The following ATG10 variants were observed in gnomAD, a reference collection of about 807,000 sequenced individuals.
ATG10 encodes the protein ubiquitin-like-conjugating enzyme ATG10.
In ATG10, 30 loss-of-function variants were observed where a neutral mutation model predicts 32.1. The ratio of observed to expected loss-of-function variants is 0.94; its 90% confidence interval spans 0.70 to 1.27. ATG10 has a LOEUF of 1.27. Among genes scored for constraint, ATG10 ranks in the 50% most tolerant of loss-of-function variants. ATG10 has a pLI of 0.00. For synonymous variants in ATG10, 87 were observed against 91.5 expected (o/e 0.95, Z 0.28); for missense variants, 233 against 262.3 (o/e 0.89, Z 0.77).
chr5:82,036,083 T>A (rs1241397513), intron 2 of ATG10, among the ~76,000 whole-genome samples: 1 of 152,152 alleles, frequency 6.6e-6, no homozygotes, highest in Non-Finnish European at 1.5e-5. Context: ...GAACTTATTT[T>A]GGGGGGTTTT....
chr5:82,060,869 C>T (rs1349777086), intron 3 of ATG10, among the ~76,000 whole-genome samples: 1 of 151,622 alleles, frequency 6.6e-6, no homozygotes, highest in East Asian at 1.9e-4. Flanking sequence ...AAAAAAAGTT[C>T]ATGTTAAGTG....
At chr5:82,076,059 A>G (rs1203063032) in intron 3 of ATG10, among the ~76,000 whole-genome samples, 1 of 151,930 alleles carries the variant, frequency 6.6e-6, no homozygotes, top group African/African-American at 2.4e-5. Flanking sequence ...GTATTTCCAC[A>G]TACTGAATGA....
chr5:81,990,874 A>G (rs1761432609), intron 2 of ATG10, among the ~76,000 whole-genome samples: 2 of 152,224 alleles, frequency 1.3e-5, no homozygotes, highest in Non-Finnish European at 1.5e-5. Context: ...AAGGTTAAGC[A>G]TTCAGATTTG....
intron 3 of ATG10, chr5:82,148,227 A>C (rs1767445927): frequency 6.6e-6 from 1 of 152,208 alleles, no homozygotes; most frequent in Non-Finnish European, 1.5e-5. Context: ...TTGGCCCTTT[A>C]GAGACAAATT....
intron 2 of ATG10, chr5:82,009,642 T>C: frequency 1.3e-6 from 2 of 1,593,826 alleles, no homozygotes; most frequent in Non-Finnish European, 1.7e-6. Context: ...CTTGCTGGTC[T>C]TGCCATTCCT....
chr5:82,142,925 A>T (rs1391334875), intron 3 of ATG10, among the ~76,000 whole-genome samples: 1 of 152,160 alleles, frequency 6.6e-6, no homozygotes, highest in African/African-American at 2.4e-5. Context: ...AAAATAGGGA[A>T]TTGAGGAGGA....
chr5:82,045,403 T>G (rs1263370107), intron 2 of ATG10, among the ~76,000 whole-genome samples: 3 of 152,042 alleles, frequency 2.0e-5, no homozygotes, highest in South Asian at 4.2e-4. Context: ...AACACAGCAG[T>G]GGGAGAACAT....
chr5:82,223,210 A>T (rs1249506848), intron 5 of ATG10, among the ~76,000 whole-genome samples: 2 of 152,224 alleles, frequency 1.3e-5, no homozygotes, highest in Non-Finnish European at 2.9e-5. Context: ...GCCTTCAAAG[A>T]TTGCACTTCA....
At chr5:82,195,801 T>C (rs1744831213) in intron 5 of ATG10, among the ~76,000 whole-genome samples, 1 of 152,246 alleles carries the variant, frequency 6.6e-6, no homozygotes, top group Admixed American at 6.5e-5. Flanking sequence ...ACATTTTGGT[T>C]GTTTCTACTT....
chr5:82,137,832 C>CAGGT (rs1442881986), intron 3 of ATG10, among the ~76,000 whole-genome samples: 1 of 152,184 alleles, frequency 6.6e-6, no homozygotes, highest in Non-Finnish European at 1.5e-5. Flanking sequence ...CCTCTTCCCC[C>CAGGT]AGGTGTTCTG....
At chr5:82,176,849 C>G (rs78089394) in intron 4 of ATG10, among the ~76,000 whole-genome samples, 1 of 151,960 alleles carries the variant, frequency 6.6e-6, no homozygotes, top group East Asian at 1.9e-4. Flanking sequence ...GGTCTCCTGC[C>G]GCTAGATAAA....
intron 1 of ATG10, among the ~76,000 whole-genome samples, chr5:81,983,997 G>A (rs1761172303): frequency 6.6e-6 from 1 of 152,310 alleles, no homozygotes; most frequent in African/African-American, 2.4e-5. Flanking sequence ...CGGCCGGGCA[G>A]AGACGCTCCT....
rs139706093 is a variant in ATG10 at position 82,153,704 on chromosome 5, T to C, written c.217-10695T>C. Reference sequence around the variant, plus strand: ...AATCTCACAAACAAAATTCATAGATTTGGAGGTAAAATTTTATGTACTTGG... The same window carrying C: ...AATCTCACAAACAAAATTCATAGATCTGGAGGTAAAATTTTATGTACTTGG... On this transcript the variant is annotated intron_variant, in intron 3 of 7. Transcript: ENST00000282185. Among the ~76,000 whole-genome samples the C allele has an allele frequency of 4.7e-3, 722 of 152,238 alleles. 4 individuals are homozygous for C. Among genetic ancestry groups the C allele is most frequent in the African/African-American group, 0.014 (570 of 41,530 alleles).
At chr5:82,139,776 G>C (rs1186639613) in intron 3 of ATG10, among the ~76,000 whole-genome samples, 1 of 129,948 alleles carries the variant, frequency 7.7e-6, no homozygotes, top group Admixed American at 7.3e-5. Flanking sequence ...CCTCTGCCCG[G>C]CCGCCCCTAC....
At chr5:82,222,439 G>A (rs1745966036) in intron 5 of ATG10, among the ~76,000 whole-genome samples, 1 of 152,156 alleles carries the variant, frequency 6.6e-6, no homozygotes, top group African/African-American at 2.4e-5. Flanking sequence ...ATTTAGAATA[G>A]ATCCTAGCAC....
At chr5:82,140,661 C>G (rs1475999707) in intron 3 of ATG10, among the ~76,000 whole-genome samples, 1 of 53,170 alleles carries the variant, frequency 1.9e-5, no homozygotes, top group Non-Finnish European at 4.1e-5. Context: ...CGCCTCTGCC[C>G]GGCCGCCCCT....
chr5:82,141,847 T>G lies in ATG10; in HGVS notation c.217-22552T>G, dbSNP rs573547133. On this transcript the variant is annotated intron_variant, in intron 3 of 7. Transcript: ENST00000282185. ...ACACACACCCATACCCATAAGGCTG[T>G]TTGAAAAAAAAAAAATTCCAGTTGC... Among the ~76,000 whole-genome samples the G allele has an allele frequency of 7.2e-5, 11 of 151,978 alleles. 1 individual carries two copies. The South Asian group carries it at 1.7e-3, about 23-fold the overall frequency.
At chr5:82,135,888 T>C (rs1002203317) in intron 3 of ATG10, among the ~76,000 whole-genome samples, 3 of 152,226 alleles carry the variant, frequency 2.0e-5, no homozygotes, top group Non-Finnish European at 2.9e-5. Context: ...ACTTGCTTTA[T>C]GAATCTAGGT....
At chr5:82,121,905 A>G (rs1766052764) in intron 3 of ATG10, among the ~76,000 whole-genome samples, 1 of 133,954 alleles carries the variant, frequency 7.5e-6, no homozygotes, top group East Asian at 2.2e-4. Flanking sequence ...TTAATCAAGT[A>G]TTTTGTTGAG....
Sources: allele counts gnomAD v4.1 joint callset (sites outside exome capture counted in the v4.1 genomes callset), GRCh38; gene constraint gnomAD v4.1.1; transcripts MANE v1.5; gene names NCBI Gene and HGNC (gene_info 2026-07-23, HGNC 2026-07-21).